Variants in DIPK1A observed in about 807,000 individuals in gnomAD.
The protein encoded by DIPK1A is divergent protein kinase domain 1A, also known as family with sequence similarity 69 member A.
A neutral mutation model predicts 40.8 loss-of-function variants in DIPK1A; 27 were observed. The observed-to-expected ratio is 0.66, with a 90% CI of 0.49 to 0.91. The LOEUF (loss-of-function observed/expected upper bound fraction) is 0.91. Ranked by LOEUF, DIPK1A falls within the 40% of genes least tolerant of loss-of-function variation. DIPK1A has a pLI of 0.00. For missense variants in DIPK1A, 412 were observed against 505.7 expected (o/e 0.81, Z 1.78); for synonymous variants, 166 against 171.3 (o/e 0.97, Z 0.24).
intron 1 of DIPK1A, among the ~76,000 whole-genome samples, chr1:92,953,860 C>T (rs1651736280): frequency 6.6e-6 from 1 of 152,080 alleles, no homozygotes; most frequent in African/African-American, 2.4e-5. Context: ...TACTACTATA[C>T]TATATGCTTA....
intron 1 of DIPK1A, chr1:92,932,896 T>G (rs1187728913): frequency 6.6e-6 from 1 of 152,192 alleles, no homozygotes; most frequent in Non-Finnish European, 1.5e-5. Flanking sequence ...CCAAAGAATG[T>G]ACATCAAGAG....
At position 92,872,069 on chromosome 1, in the gene DIPK1A, C is replaced by CTTTTT. The variant is rs148010880; in HGVS notation, c.189+4222_189+4226dup. 6.9e-4 allele frequency among the ~76,000 whole-genome samples: 47 copies of CTTTTT among 67,958 alleles called. 5 individuals carry two copies. Among genetic ancestry groups the CTTTTT allele is most frequent in the Non-Finnish European group, 1.0e-3 (39 of 39,108 alleles). The allele number at this position is 67,958 out of a possible 152,430, so 44.6% of individuals were successfully genotyped here. A position where few individuals can be genotyped will look rare whatever the true frequency, so the allele number is the denominator to read the frequency against. ...TTTTCCTGATTCTTTTTCTTTAAAT[C>CTTTTT]TTTTTTTTTTTTTTTTTTTTTTTTT... On this transcript the variant is annotated intron_variant, in intron 2 of 4. Transcript: ENST00000370310.
intron 2 of DIPK1A, among the ~76,000 whole-genome samples, chr1:92,867,616 C>T (rs1196795440): frequency 6.6e-6 from 1 of 152,142 alleles, no homozygotes; most frequent in East Asian, 1.9e-4. Flanking sequence ...AGCGATTCTC[C>T]TGCCTTGGCT....
chr1:92,875,784 T>A (rs1177974750), intron 2 of DIPK1A, among the ~76,000 whole-genome samples: 2 of 151,476 alleles, frequency 1.3e-5, no homozygotes, highest in African/African-American at 4.8e-5. Context: ...AATTCTCAAA[T>A]TTTTAAAATA....
chr1:92,880,145 T>C (rs1047136705), intron 1 of DIPK1A, among the ~76,000 whole-genome samples: 3 of 152,204 alleles, frequency 2.0e-5, no homozygotes, highest in Non-Finnish European at 4.4e-5. Context: ...ATGTACAATG[T>C]AGCCCCCCAC....
At chr1:92,838,087 A>G (rs1006909223), downstream of DIPK1A, among the ~76,000 whole-genome samples, 7 of 152,186 alleles carry the variant, frequency 4.6e-5, no homozygotes, top group African/African-American at 1.7e-4. Flanking sequence ...ATGAGTCCCA[A>G]AGTGCTGGGC....
At chr1:92,837,945 G>A (rs1571032729), downstream of DIPK1A, among the ~76,000 whole-genome samples, 1 of 152,218 alleles carries the variant, frequency 6.6e-6, no homozygotes, top group Non-Finnish European at 1.5e-5. Flanking sequence ...CCATCTGGGA[G>A]GAAAGCTCTT....
At chr1:92,945,421 G>A (rs923259583) in intron 1 of DIPK1A, among the ~76,000 whole-genome samples, 1 of 152,174 alleles carries the variant, frequency 6.6e-6, no homozygotes, top group Non-Finnish European at 1.5e-5. Flanking sequence ...TACTATTAAT[G>A]TTGAAGTTTT....
At chr1:92,857,320 GT>G (rs765568724) in intron 2 of DIPK1A, among the ~76,000 whole-genome samples, 152 of 135,326 alleles carry the variant, frequency 1.1e-3, no homozygotes, top group African/African-American at 2.4e-3. Context: ...TTGTCATATT[GT>G]TTTTTTTTTT....
chr1:92,842,032 C>CTAACT (rs905942476), downstream of DIPK1A: 1 of 789,704 alleles, frequency 1.3e-6, no homozygotes, highest in African/African-American at 1.8e-5. Flanking sequence ...ACAAGTGTAA[C>CTAACT]TAACTTTTTA....
At chr1:92,928,557 T>C (rs937508524) in intron 1 of DIPK1A, among the ~76,000 whole-genome samples, 6 of 152,224 alleles carry the variant, frequency 3.9e-5, no homozygotes, top group African/African-American at 1.2e-4. Flanking sequence ...TAGCCTGAAG[T>C]ACTTATTTTA....
intron 1 of DIPK1A, among the ~76,000 whole-genome samples, chr1:92,891,826 A>G (rs1286550487): frequency 6.6e-6 from 1 of 152,162 alleles, no homozygotes; most frequent in Non-Finnish European, 1.5e-5. Flanking sequence ...GCGCTTTTCC[A>G]ATGGTCTTAG....
At chr1:92,912,003 CAAAAAAAAAAAAAAA>C (rs5776162) in intron 1 of DIPK1A, among the ~76,000 whole-genome samples, 1 of 43,672 alleles carries the variant, frequency 2.3e-5, no homozygotes, top group Non-Finnish European at 3.6e-5. Flanking sequence ...GACTCCATCT[CAAAAAAAAAAAAAAA>C]AAAAAAAAAA....
At chr1:92,942,239 T>C (rs995579125) in intron 1 of DIPK1A, among the ~76,000 whole-genome samples, 18 of 152,338 alleles carry the variant, frequency 1.2e-4, no homozygotes, top group Admixed American at 1.2e-3. Context: ...ACCATTCTGC[T>C]ATCACAGACT....
intron 2 of DIPK1A, among the ~76,000 whole-genome samples, chr1:92,854,555 A>G (rs1394402255): frequency 6.6e-6 from 1 of 152,368 alleles, no homozygotes; most frequent in East Asian, 1.9e-4. Context: ...CCATGTGCAG[A>G]GTTAAGTGTC....
At chr1:92,955,153 C>CT (rs1416204447) in intron 1 of DIPK1A, among the ~76,000 whole-genome samples, 3 of 151,974 alleles carry the variant, frequency 2.0e-5, no homozygotes, top group African/African-American at 7.2e-5. Context: ...ACTATGGAGA[C>CT]AATAAAGACC....
chr1:92,952,195 A>G (rs1430208147), intron 1 of DIPK1A, among the ~76,000 whole-genome samples: 2 of 152,180 alleles, frequency 1.3e-5, no homozygotes, highest in Non-Finnish European at 2.9e-5. Flanking sequence ...AGTCCCACAC[A>G]ATTATCCAGC....
In DIPK1A at chr1:92,892,230, C is replaced by T. The variant is rs903155073; in HGVS notation, c.55-15800G>A. The stretch of plus-strand genomic sequence containing the variant: ...CCTCCTCAACTGGGTCCCTGACTCC[C>T]GAGTAGCCTAACTGGGAGGCACCCC... On this transcript the variant is annotated intron_variant, in intron 1 of 4. Transcript: ENST00000370310. 1.4e-4 allele frequency among the ~76,000 whole-genome samples: 22 copies of T among 152,056 alleles called. 1 individual carries two copies. The highest frequency in any genetic ancestry group is 3.9e-4 in the African/African-American group (16 of 41,340).
At chr1:92,894,503 A>G (rs953333962) in intron 1 of DIPK1A, among the ~76,000 whole-genome samples, 1 of 152,076 alleles carries the variant, frequency 6.6e-6, no homozygotes, top group Non-Finnish European at 1.5e-5. Context: ...CATTCAAAGC[A>G]GTGTGTAGAG....
Sources: allele counts gnomAD v4.1 joint callset (sites outside exome capture counted in the v4.1 genomes callset), GRCh38; gene constraint gnomAD v4.1.1; transcripts MANE v1.5; gene names NCBI Gene and HGNC (gene_info 2026-07-23, HGNC 2026-07-21).